The following RBFOX1 variants were observed in gnomAD, a reference collection of about 807,000 sequenced individuals.
The protein encoded by RBFOX1 is RNA binding protein fox-1 homolog 1.
In RBFOX1, 8 loss-of-function variants were observed where a neutral mutation model predicts 57.7. That is an observed-to-expected ratio of 0.14 (90% CI 0.08 to 0.25). RBFOX1 has a LOEUF of 0.25. Among genes scored for constraint, RBFOX1 ranks in the 10% least tolerant of loss-of-function variants. The pLI, the probability that RBFOX1 is intolerant of heterozygous loss-of-function variation, is 1.00. For missense variants in RBFOX1, 611 were observed against 548.5 expected (o/e 1.11, Z -1.14); for synonymous variants, 326 against 222.4 (o/e 1.47, Z -4.15).
At chr16:7,472,921 A>G (rs1475684466) in intron 4 of RBFOX1, among the ~76,000 whole-genome samples, 2 of 152,248 alleles carry the variant, frequency 1.3e-5, no homozygotes, top group African/African-American at 4.8e-5. Context: ...TTAATATCAC[A>G]GGTTTAGACG....
intron 4 of RBFOX1, among the ~76,000 whole-genome samples, chr16:7,385,284 A>T (rs898525251): frequency 5.3e-5 from 8 of 152,356 alleles, no homozygotes; most frequent in Non-Finnish European, 8.8e-5. Flanking sequence ...GAGAGCAGTT[A>T]GGAAGCTGTC....
chr16:7,194,174 A>C (rs7184582), intron 4 of RBFOX1, among the ~76,000 whole-genome samples: 62,887 of 151,978 alleles, frequency 0.41, 13,473 homozygotes, highest in Non-Finnish European at 0.47. Flanking sequence ...TCTCTCTAAT[A>C]CTTTGTGATC....
chr16:6,636,714 C>T (rs2098436546), intron 2 of RBFOX1, among the ~76,000 whole-genome samples: 1 of 144,334 alleles, frequency 6.9e-6, no homozygotes, highest in African/African-American at 2.6e-5. Context: ...TGAATCTCAC[C>T]AATCTGGAAG....
intron 2 of RBFOX1, among the ~76,000 whole-genome samples, chr16:6,372,864 G>A (rs1026374103): frequency 6.6e-6 from 1 of 150,914 alleles, no homozygotes; most frequent in Non-Finnish European, 1.5e-5. Context: ...GAGTACGGTC[G>A]GGTGGAATGG....
At chr16:6,339,560 G>T (rs112544216) in intron 2 of RBFOX1, among the ~76,000 whole-genome samples, 1 of 152,148 alleles carries the variant, frequency 6.6e-6, no homozygotes, top group African/African-American at 2.4e-5. Context: ...TACTGATTCT[G>T]TTCCTCTCTG....
At chr16:5,887,981 G>C (rs1374394491) in intron 4 of RBFOX1, among the ~76,000 whole-genome samples, 2 of 152,134 alleles carry the variant, frequency 1.3e-5, no homozygotes, top group Non-Finnish European at 2.9e-5. Flanking sequence ...GACGAGCAAG[G>C]TCCTGCCAGA....
At chr16:6,750,360 G>C (rs998320902) in intron 3 of RBFOX1, among the ~76,000 whole-genome samples, 2 of 152,172 alleles carry the variant, frequency 1.3e-5, no homozygotes, top group Non-Finnish European at 2.9e-5. Flanking sequence ...CCTTATTATG[G>C]TATTTAGGCA....
intron 2 of RBFOX1, among the ~76,000 whole-genome samples, chr16:6,381,921 C>T (rs11077037): frequency 0.29 from 44,567 of 152,130 alleles, 7,470 homozygotes; most frequent in South Asian, 0.59. Context: ...AGGGCAGAGA[C>T]CATGTCCGGC....
chr16:6,168,898 G>A (rs564510846), intron 1 of RBFOX1, among the ~76,000 whole-genome samples: 67 of 152,062 alleles, frequency 4.4e-4, no homozygotes, highest in African/African-American at 1.6e-3. Flanking sequence ...AGGGAAGATG[G>A]CTGAGGCATC....
intron 2 of RBFOX1, among the ~76,000 whole-genome samples, chr16:6,437,427 C>G (rs368435460): frequency 1.3e-5 from 2 of 152,132 alleles, no homozygotes; most frequent in Non-Finnish European, 2.9e-5. Context: ...TGGTTCTAAG[C>G]TTTGCTTGGT....
Position 5,576,415 on chromosome 16 carries a change from G to A in RBFOX1, c.259-22487G>A, listed in dbSNP as rs116113025. On this transcript the variant is annotated intron_variant, in intron 2 of 2. Transcript: ENST00000585867. ...CCAAAATTTATATTCACCAAGAAGCGTGGTTTAAAAAAATCAAGGCAAATA... is the reference window on the plus strand; with the variant it reads ...CCAAAATTTATATTCACCAAGAAGCATGGTTTAAAAAAATCAAGGCAAATA... 7.7e-3 allele frequency among the ~76,000 whole-genome samples: 1,164 copies of A among 152,074 alleles called. 7 individuals are homozygous for A. Among genetic ancestry groups the A allele is most frequent in the Middle Eastern group, 0.037 (11 of 294 alleles).
In RBFOX1 at chr16:6,786,994, C is replaced by G. The variant is rs375418874; in HGVS notation, c.-16+132344C>G. Among the ~76,000 whole-genome samples the G allele has an allele frequency of 5.3e-5, 8 of 152,068 alleles. No individual in the cohort carries two copies. The East Asian group carries it at 5.8e-4, about 11-fold the overall frequency. ...CCCTCTGCACAGGTCACCCATCTCA[C>G]TAAAAACTTCCTGCTTTGGGGTTCA... On this transcript the variant is annotated intron_variant, in intron 3 of 15. Coordinates refer to ENST00000550418, the MANE Select transcript of RBFOX1 (RefSeq NM_018723.4).
At chr16:7,701,178 A>G (rs2080565495) in intron 14 of RBFOX1, among the ~76,000 whole-genome samples, 1 of 145,906 alleles carries the variant, frequency 6.9e-6, no homozygotes, top group Non-Finnish European at 1.5e-5. Flanking sequence ...AGCCAAGTAG[A>G]GATGACTCCA....
At chr16:7,074,809 G>A (rs977569441) in intron 4 of RBFOX1, among the ~76,000 whole-genome samples, 3 of 152,134 alleles carry the variant, frequency 2.0e-5, no homozygotes, top group Non-Finnish European at 4.4e-5. Flanking sequence ...ATAAACAGAT[G>A]CATTTTCTTT....
At chr16:6,639,463 T>A (rs1171001345) in intron 2 of RBFOX1, among the ~76,000 whole-genome samples, 2 of 152,094 alleles carry the variant, frequency 1.3e-5, no homozygotes, top group East Asian at 3.9e-4. Flanking sequence ...TTGACTGAAA[T>A]AGTAATGACC....
At chr16:5,267,743 G>A (rs760995565) in intron 1 of RBFOX1, among the ~76,000 whole-genome samples, 4 of 152,190 alleles carry the variant, frequency 2.6e-5, no homozygotes, top group African/African-American at 7.2e-5. Flanking sequence ...CAACAAACTT[G>A]TGTGGAACCA....
rs75941596 is a variant in RBFOX1 at position 6,864,572 on chromosome 16, C to T, written c.-15-187485C>T. Reference sequence around the variant, plus strand: ...CTTTTTTTTTTTTTTTTAATCATGGCCTAATACATCAAAACAGGCTGGATG... The same window carrying T: ...CTTTTTTTTTTTTTTTTAATCATGGTCTAATACATCAAAACAGGCTGGATG... On this transcript the variant is annotated intron_variant, in intron 3 of 15. Coordinates refer to ENST00000550418, the MANE Select transcript of RBFOX1 (RefSeq NM_018723.4). Among the ~76,000 whole-genome samples, 95 of 149,182 alleles carry T rather than the reference C, an allele frequency of 6.4e-4. 1 individual carries two copies. In the East Asian group the frequency reaches 0.014, roughly 21 times the overall value.
At chr16:7,705,350 G>T (rs1285462055) in intron 14 of RBFOX1, among the ~76,000 whole-genome samples, 1 of 151,854 alleles carries the variant, frequency 6.6e-6, no homozygotes, top group East Asian at 1.9e-4. Context: ...ACTAAAAATA[G>T]AAAAATTAGC....
chr16:7,611,533 T>C (rs1009396071), intron 10 of RBFOX1, among the ~76,000 whole-genome samples: 7 of 150,808 alleles, frequency 4.6e-5, no homozygotes, highest in Admixed American at 4.0e-4. Context: ...GAGCCAAGAT[T>C]GCACCATTGC....
Sources: gnomAD v4.1 joint callset for allele counts (sites outside exome capture counted in the v4.1 genomes callset) on GRCh38, gnomAD v4.1.1 for gene constraint, MANE v1.5 for transcripts, NCBI Gene and HGNC (gene_info 2026-07-23, HGNC 2026-07-21) for gene names.